The following PRKG1 variants were observed in gnomAD, a reference collection of about 807,000 sequenced individuals.
The protein encoded by PRKG1 is cGMP-dependent protein kinase 1.
Under a neutral mutation model 88.1 loss-of-function variants are expected in PRKG1, and 35 were observed. The ratio of observed to expected loss-of-function variants is 0.40; its 90% confidence interval spans 0.30 to 0.53. The LOEUF (loss-of-function observed/expected upper bound fraction) is 0.53, where lower values mean the gene tolerates loss of function less well. PRKG1 is among the 20% of genes least tolerant of loss of function. The pLI, the probability that PRKG1 is intolerant of heterozygous loss-of-function variation, is 0.59. For missense variants in PRKG1, 540 were observed against 839.8 expected, an observed-to-expected ratio of 0.64 and a Z score of 4.41; for synonymous variants, 303 against 292.5, an observed-to-expected ratio of 1.04 and a Z score of -0.37.
intron 3 of PRKG1, among the ~76,000 whole-genome samples, chr10:51,522,018 G>A (rs1841749053): frequency 6.6e-6 from 1 of 152,150 alleles, no homozygotes; most frequent in South Asian, 2.1e-4. Flanking sequence ...AGCCTTAAGA[G>A]AAAGGAATTT....
chr10:52,253,928 T>G (rs1245426444), intron 10 of PRKG1, among the ~76,000 whole-genome samples: 2 of 28,818 alleles, frequency 6.9e-5, no homozygotes, highest in Non-Finnish European at 2.7e-4. Flanking sequence ...CAACACACTG[T>G]AGACAATCAG....
At chr10:51,928,312 G>A (rs1180717589) in intron 5 of PRKG1, among the ~76,000 whole-genome samples, 1 of 152,184 alleles carries the variant, frequency 6.6e-6, no homozygotes, top group East Asian at 1.9e-4. Context: ...AACTCCTAAA[G>A]AGATGTTTTA....
Position 51,691,191 on chromosome 10 carries a change from A to C in PRKG1, c.593-113394A>C, listed in dbSNP as rs937792247. 5.4e-5 allele frequency among the ~76,000 whole-genome samples: 8 copies of C among 149,304 alleles called. No individual in the cohort carries two copies. In the Admixed American group the frequency reaches 5.4e-4, roughly 10 times the overall value. ...TCAGTATAGCTCATCAAAATCCACA[A>C]AAAAAAAATGCATCAAGATTTTTGT... On this transcript the variant is annotated intron_variant, in intron 3 of 17. Coordinates refer to ENST00000373980, the MANE Select transcript of PRKG1 (RefSeq NM_006258.4).
intron 9 of PRKG1, among the ~76,000 whole-genome samples, chr10:52,186,591 C>T (rs750188095): frequency 3.9e-4 from 59 of 152,014 alleles, no homozygotes; most frequent in Middle Eastern, 3.4e-3. Context: ...TTCTTTGTTG[C>T]GTTATGTATC....
chr10:52,171,340 T>C (rs191698891), intron 9 of PRKG1, among the ~76,000 whole-genome samples: 95 of 152,254 alleles, frequency 6.2e-4, no homozygotes, highest in Non-Finnish European at 3.2e-4. Flanking sequence ...GTCAATTAAA[T>C]AGACAAAACA....
intron 1 of PRKG1, among the ~76,000 whole-genome samples, chr10:51,081,249 A>T (rs1472892518): frequency 6.6e-6 from 1 of 152,214 alleles, no homozygotes; most frequent in Non-Finnish European, 1.5e-5. Context: ...AGAAATGCAT[A>T]TCGAGGGAAC....
intron 3 of PRKG1, among the ~76,000 whole-genome samples, chr10:51,676,785 G>A (rs551516879): frequency 8.5e-5 from 13 of 152,168 alleles, no homozygotes; most frequent in Non-Finnish European, 1.2e-4. Context: ...AAGTAATAGC[G>A]GGTGTCTCAT....
chr10:51,691,734 G>T (rs752590874), intron 3 of PRKG1, among the ~76,000 whole-genome samples: 16 of 152,184 alleles, frequency 1.1e-4, no homozygotes, highest in Non-Finnish European at 2.1e-4. Context: ...CTAGGAGGAG[G>T]TTAGGCTTGT....
chr10:51,134,057 T>C (rs111794186), intron 1 of PRKG1, among the ~76,000 whole-genome samples: 52 of 152,336 alleles, frequency 3.4e-4, no homozygotes, highest in African/African-American at 1.1e-3. Flanking sequence ...TTAAAAGTCT[T>C]ACAGATCTCA....
intron 4 of PRKG1, among the ~76,000 whole-genome samples, chr10:51,853,523 A>G (rs1291790844): frequency 6.6e-6 from 1 of 152,198 alleles, no homozygotes; most frequent in African/African-American, 2.4e-5. Context: ...TCAATTGTCT[A>G]TTAGTACAGT....
In PRKG1 at chr10:51,066,381, A is replaced by G. The variant is rs941603228; in HGVS notation, c.266+74737A>G. Among the ~76,000 whole-genome samples, 8 of 152,030 alleles carry G rather than the reference A, an allele frequency of 5.3e-5. No individual in the cohort carries two copies. The East Asian group carries it at 5.8e-4, about 11-fold the overall frequency. The stretch of plus-strand genomic sequence containing the variant: ...TATGTTCATGGTTTTCTGTCATGTC[A>G]TTGGCTGTGGCCACAGGCTGGGCAA... On this transcript the variant is annotated intron_variant, in intron 1 of 17. Coordinates refer to the PRKG1 transcript ENST00000401604.
chr10:51,982,792 T>C (rs892844096), intron 5 of PRKG1, among the ~76,000 whole-genome samples: 1 of 152,146 alleles, frequency 6.6e-6, no homozygotes, highest in Non-Finnish European at 1.5e-5. Flanking sequence ...CATTTATACA[T>C]TCCAGCAGCA....
At chr10:51,850,499 ATATATG>A (rs374383814) in intron 4 of PRKG1, among the ~76,000 whole-genome samples, 11 of 151,280 alleles carry the variant, frequency 7.3e-5, no homozygotes, top group African/African-American at 1.5e-4. Flanking sequence ...TTATATATAT[ATATATG>A]TATATGTATA....
intron 5 of PRKG1, among the ~76,000 whole-genome samples, chr10:52,017,483 G>C (rs997825587): frequency 1.3e-5 from 2 of 152,118 alleles, no homozygotes; most frequent in Non-Finnish European, 2.9e-5. Context: ...CAAGGTTTTG[G>C]GTAGATAGTA....
chr10:51,522,485 T>C (rs1841759803), intron 3 of PRKG1, among the ~76,000 whole-genome samples: 1 of 152,190 alleles, frequency 6.6e-6, no homozygotes, highest in Non-Finnish European at 1.5e-5. Flanking sequence ...TAAGAATAAC[T>C]CAGTCTGATT....
At chr10:51,648,039 TACACAC>T (rs3087021) in intron 3 of PRKG1, among the ~76,000 whole-genome samples, 121,877 of 149,936 alleles carry the variant, frequency 0.81, 51,078 homozygotes, top group Non-Finnish European at 0.91. Flanking sequence ...TGGTTACACA[TACACAC>T]ACACACACAC....
chr10:51,231,656 T>A (rs905952016), intron 2 of PRKG1, among the ~76,000 whole-genome samples: 3 of 152,134 alleles, frequency 2.0e-5, no homozygotes, highest in Admixed American at 6.5e-5. Flanking sequence ...CATTTCAAAC[T>A]AGACGTTCTG....
chr10:51,152,844 T>A (rs1040004334), intron 1 of PRKG1, among the ~76,000 whole-genome samples: 2 of 152,002 alleles, frequency 1.3e-5, no homozygotes, highest in Non-Finnish European at 2.9e-5. Flanking sequence ...TATGTATCCA[T>A]TGGTTTTCTA....
chr10:51,497,857 G>A (rs1033486474), intron 3 of PRKG1, among the ~76,000 whole-genome samples: 1 of 152,108 alleles, frequency 6.6e-6, no homozygotes, highest in Non-Finnish European at 1.5e-5. Flanking sequence ...ACATTTAGAA[G>A]AATAGTATGG....
Sources: gnomAD v4.1 joint callset for allele counts (sites outside exome capture counted in the v4.1 genomes callset) on GRCh38, gnomAD v4.1.1 for gene constraint, MANE v1.5 for transcripts, NCBI Gene and HGNC (gene_info 2026-07-23, HGNC 2026-07-21) for gene names.